Variants in NDUFS4 observed in about 807,000 individuals in gnomAD.
The protein encoded by NDUFS4 is NADH:ubiquinone oxidoreductase subunit S4.
NDUFS4 carries 28 observed loss-of-function variants against 24.3 expected under a neutral mutation model. That is an observed-to-expected ratio of 1.15 (90% CI 0.85 to 1.58). The LOEUF (loss-of-function observed/expected upper bound fraction) is 1.58. Ranked by LOEUF, NDUFS4 falls within the 40% of genes most tolerant of loss-of-function variation. The pLI, the probability that NDUFS4 is intolerant of heterozygous loss-of-function variation, is 0.00. For missense variants in NDUFS4, 223 were observed against 207.9 expected (o/e 1.07, Z -0.45); for synonymous variants, 93 against 69.7 (o/e 1.34, Z -1.67).
intron 1 of NDUFS4, among the ~76,000 whole-genome samples, chr5:53,561,966 A>C (rs917762106): frequency 6.6e-6 from 1 of 152,058 alleles, no homozygotes; most frequent in Non-Finnish European, 1.5e-5. Flanking sequence ...GATGTTTGTA[A>C]TTAAGTGTTC....
chr5:53,640,230 T>G (rs1751672655), intron 2 of NDUFS4, among the ~76,000 whole-genome samples: 1 of 151,874 alleles, frequency 6.6e-6, no homozygotes. Flanking sequence ...GATGTTAAAG[T>G]AGGAACTTGA....
chr5:53,658,400 A>T (rs1752224400), intron 3 of NDUFS4, 151 bp from the exon 4 acceptor site: 1 of 598,128 alleles, frequency 1.7e-6, no homozygotes, highest in Non-Finnish European at 3.0e-6. Flanking sequence ...AAGGTATTCC[A>T]ACTAACAGTT....
At chr5:53,676,418 T>C (rs1242595851) in intron 4 of NDUFS4, among the ~76,000 whole-genome samples, 2 of 152,216 alleles carry the variant, frequency 1.3e-5, no homozygotes, top group African/African-American at 4.8e-5. Context: ...CCTTGTTTTA[T>C]ATGTGTTTTT....
At chr5:53,664,806 C>T (rs186373007) in intron 4 of NDUFS4, among the ~76,000 whole-genome samples, 259 of 152,148 alleles carry the variant, frequency 1.7e-3, no homozygotes, top group African/African-American at 5.4e-3. Flanking sequence ...GTAGTTTGAT[C>T]GTCTGAAGCC....
chr5:53,631,426 A>T (rs1486495610), intron 2 of NDUFS4, among the ~76,000 whole-genome samples: 1 of 152,158 alleles, frequency 6.6e-6, no homozygotes, highest in Non-Finnish European at 1.5e-5. Context: ...TGGGAGAACC[A>T]CTGCTGTCTT....
In NDUFS4 at chr5:53,658,634, G is replaced by T. The variant is rs1436350172; in HGVS notation, c.424+10G>T. The T allele has an allele frequency of 6.3e-7, 1 of 1,598,314 alleles. No homozygotes were observed. Among genetic ancestry groups the T allele is most frequent in the East Asian group, 2.2e-5 (1 of 44,480 alleles). On this transcript the variant is annotated intron_variant, in intron 4 of 4. Coordinates refer to ENST00000296684, the MANE Select transcript of NDUFS4 (RefSeq NM_002495.4). ...TTTGCAGAAAAAAATGGTATGTTTG[G>T]TCTGTTTTTGACAAAGTCAAGATAA...
chr5:53,662,388 C>T (rs1330383183), intron 4 of NDUFS4, among the ~76,000 whole-genome samples: 15 of 152,176 alleles, frequency 9.9e-5, no homozygotes, highest in East Asian at 1.9e-4. Flanking sequence ...CTGCTGGATT[C>T]GGTTTGCCAG....
chr5:53,572,772 G>A (rs1204887286), intron 1 of NDUFS4, among the ~76,000 whole-genome samples: 1 of 151,362 alleles, frequency 6.6e-6, no homozygotes, highest in African/African-American at 2.4e-5. Flanking sequence ...AGCCTCCCAA[G>A]TAGCTGGGAT....
At chr5:53,591,509 CTT>C (rs1274722089) in intron 1 of NDUFS4, among the ~76,000 whole-genome samples, 1 of 139,916 alleles carries the variant, frequency 7.1e-6, no homozygotes, top group Non-Finnish European at 1.5e-5. Flanking sequence ...GAAGTGGTAT[CTT>C]ATGGTTTTCT....
chr5:53,625,441 A>G (rs1458234507), intron 2 of NDUFS4, among the ~76,000 whole-genome samples: 1 of 152,156 alleles, frequency 6.6e-6, no homozygotes, highest in South Asian at 2.1e-4. Context: ...TTTTTCTTCA[A>G]AAAACATTTC....
intron 1 of NDUFS4, among the ~76,000 whole-genome samples, chr5:53,595,987 G>A (rs975574534): frequency 6.6e-6 from 1 of 152,122 alleles, no homozygotes; most frequent in East Asian, 1.9e-4. Flanking sequence ...AGAAATTACT[G>A]CAAAAACTTT....
intron 3 of NDUFS4, among the ~76,000 whole-genome samples, chr5:53,655,102 G>A (rs1752125836): frequency 1.3e-5 from 2 of 152,182 alleles, no homozygotes; most frequent in African/African-American, 2.4e-5. Flanking sequence ...CCTTGGAAAT[G>A]TGTACAACGT....
At chr5:53,595,541 T>G (rs1331507033) in intron 1 of NDUFS4, among the ~76,000 whole-genome samples, 1 of 152,200 alleles carries the variant, frequency 6.6e-6, no homozygotes, top group Non-Finnish European at 1.5e-5. Flanking sequence ...TCTTTATTTC[T>G]TATTCTTCTC....
At chr5:53,597,732 A>G (rs947608961) in intron 1 of NDUFS4, among the ~76,000 whole-genome samples, 2 of 152,202 alleles carry the variant, frequency 1.3e-5, no homozygotes, top group African/African-American at 2.4e-5. Context: ...AGCATCATCC[A>G]TGAACGAAAA....
intron 1 of NDUFS4, among the ~76,000 whole-genome samples, chr5:53,595,516 G>A (rs576002063): frequency 1.3e-5 from 2 of 152,178 alleles, no homozygotes; most frequent in Non-Finnish European, 2.9e-5. Context: ...TATAATTACT[G>A]TCATCACCAT....
intron 2 of NDUFS4, among the ~76,000 whole-genome samples, chr5:53,634,610 C>T (rs1033891019): frequency 6.6e-6 from 1 of 151,908 alleles, no homozygotes; most frequent in Non-Finnish European, 1.5e-5. Context: ...CTTCCCCCTC[C>T]TTCCTCTCCC....
intron 1 of NDUFS4, among the ~76,000 whole-genome samples, chr5:53,596,745 AGGTG>A (rs1750146125): frequency 6.6e-6 from 1 of 152,218 alleles, no homozygotes; most frequent in Non-Finnish European, 1.5e-5. Context: ...TTATGATATA[AGGTG>A]AGTCTGGGTT....
At chr5:53,665,271 G>A (rs1334709093) in intron 4 of NDUFS4, among the ~76,000 whole-genome samples, 4 of 152,160 alleles carry the variant, frequency 2.6e-5, no homozygotes, top group Non-Finnish European at 5.9e-5. Flanking sequence ...GCTACTCAGG[G>A]GTCAGGGACC....
intron 1 of NDUFS4, among the ~76,000 whole-genome samples, chr5:53,562,214 G>C (rs1748872147): frequency 6.6e-6 from 1 of 152,070 alleles, no homozygotes; most frequent in Non-Finnish European, 1.5e-5. Flanking sequence ...ATGTTGGTCA[G>C]GCTGGGTTAA....
Sources: gnomAD v4.1 joint callset for allele counts (sites outside exome capture counted in the v4.1 genomes callset) on GRCh38, gnomAD v4.1.1 for gene constraint, MANE v1.5 for transcripts, NCBI Gene and HGNC (gene_info 2026-07-23, HGNC 2026-07-21) for gene names.